The following PSPH variants were observed in gnomAD, a reference collection of about 807,000 sequenced individuals.
PSPH encodes L-3-phosphoserine phosphatase.
A neutral mutation model predicts 23.4 loss-of-function variants in PSPH; 16 were observed. That is an observed-to-expected ratio of 0.68 (90% CI 0.46 to 1.04). The LOEUF is 1.04. Among genes scored for constraint, PSPH ranks in the 50% least tolerant of loss-of-function variants. The pLI is 0.00. For synonymous variants in PSPH, 68 were observed against 99.7 expected, an observed-to-expected ratio of 0.68 and a Z score of 1.89; for missense variants, 223 against 273.7, an observed-to-expected ratio of 0.81 and a Z score of 1.31.
intron 4 of PSPH, among the ~76,000 whole-genome samples, chr7:56,020,578 T>C (rs148938542): frequency 0.018 from 2,606 of 146,222 alleles, 51 homozygotes; most frequent in African/African-American, 0.047. Context: ...TGAGCTGAGA[T>C]TGGGTCACTG....
At chr7:56,019,378 G>A (rs1291487265) in intron 5 of PSPH, among the ~76,000 whole-genome samples, 1 of 152,002 alleles carries the variant, frequency 6.6e-6, no homozygotes, top group Non-Finnish European at 1.5e-5. Context: ...GGCAGAAGCT[G>A]CAGTGAGCTG....
chr7:56,026,409 G>C (rs1354492434), intron 3 of PSPH, among the ~76,000 whole-genome samples: 1 of 149,988 alleles, frequency 6.7e-6, no homozygotes, highest in African/African-American at 2.5e-5. Context: ...CTGGGAGGTG[G>C]AGACATGGAG....
At chr7:56,012,862 T>G (rs1172250445) in intron 7 of PSPH, among the ~76,000 whole-genome samples, 1 of 149,676 alleles carries the variant, frequency 6.7e-6, no homozygotes, top group Non-Finnish European at 1.5e-5. Context: ...CCCAAAGTGC[T>G]GGGATTACAG....
At position 56,016,369 on chromosome 7, in the gene PSPH, A is replaced by C. The variant is rs1486210577; in HGVS notation, c.421+865T>G. On this transcript the variant is annotated intron_variant, in intron 6 of 7. Transcript: ENST00000275605. ...CAGTGAGCCGAGATGGAGCCACTGC[A>C]CTTCAGCCAGAGCAATAGAGTGAGA... is the stretch of plus-strand genomic sequence containing the variant. 8.5e-5 allele frequency among the ~76,000 whole-genome samples: 12 copies of C among 141,056 alleles called. No individual in the cohort carries two copies. The East Asian group carries it at 2.6e-3, about 31-fold the overall frequency. The allele number at this position is 141,056 out of a possible 152,430, so 92.5% of individuals were successfully genotyped here.
intron 6 of PSPH, 24 bp from the exon 7 acceptor site, chr7:56,015,195 G>A: frequency 1.2e-6 from 2 of 1,612,724 alleles, no homozygotes; most frequent in Non-Finnish European, 1.7e-6. Flanking sequence ...TAAAAATAGG[G>A]TTAAAGACCC....
chr7:56,048,519 T>C (rs1465203302), intron 1 of PSPH, among the ~76,000 whole-genome samples: 2 of 152,204 alleles, frequency 1.3e-5, no homozygotes, highest in African/African-American at 4.8e-5. Context: ...AAAATTTGAA[T>C]GAAATCTATA....
intron 1 of PSPH, among the ~76,000 whole-genome samples, chr7:56,049,755 T>TA (rs199849272): frequency 6.7e-6 from 1 of 148,728 alleles, no homozygotes; most frequent in Non-Finnish European, 1.5e-5. Context: ...TTATTATTAT[T>TA]TTTTTTGAGG....
rs147564506 is a variant in PSPH at position 56,046,846 on chromosome 7, C to T, written c.-292+4292G>A. On this transcript the variant is annotated intron_variant, in intron 1 of 7. Coordinates refer to ENST00000275605, the MANE Select transcript of PSPH (RefSeq NM_004577.4). ...CTAGGATTATAGACATCAGCCACTA[C>T]ACCCAGCTGAAATCTATTGTTTTCA... is the stretch of plus-strand genomic sequence containing the variant. Among the ~76,000 whole-genome samples the T allele has an allele frequency of 4.4e-3, 655 of 149,780 alleles. 4 individuals are homozygous for T. Among genetic ancestry groups the T allele is most frequent in the Non-Finnish European group, 7.5e-3 (509 of 67,554 alleles).
chr7:56,037,054 A>G (rs1394067080), intron 1 of PSPH, among the ~76,000 whole-genome samples: 2 of 151,992 alleles, frequency 1.3e-5, no homozygotes, highest in Non-Finnish European at 2.9e-5. Context: ...GGCGCCTGTA[A>G]TCTCAGCTAC....
intron 1 of PSPH, among the ~76,000 whole-genome samples, chr7:56,046,538 G>T (rs1219193046): frequency 6.6e-6 from 1 of 151,968 alleles, no homozygotes; most frequent in East Asian, 1.9e-4. Flanking sequence ...GTAATCCCAG[G>T]ACTTTGGGAG....
At chr7:56,028,990 T>G (rs1047045930) in intron 3 of PSPH, among the ~76,000 whole-genome samples, 4 of 151,890 alleles carry the variant, frequency 2.6e-5, no homozygotes, top group African/African-American at 9.7e-5. Context: ...TTCTTCTGTA[T>G]TTTTAGTAGA....
chr7:56,015,023 A>T lies in PSPH; in HGVS notation c.570T>A (p.Ala190=). The change falls in exon 7 of 8, where the codon GCT becomes GCA. Residue 190 remains alanine (A), a splice_region_variant and synonymous_variant. Coordinates refer to ENST00000275605, the MANE Select transcript of PSPH (RefSeq NM_004577.4). ...AAAAATTAGCACCCTTAATACATAC[A>T]GCAGGAGGACAGGCTTCCATATCTG... is the stretch of plus-strand genomic sequence containing the variant. The part of the protein sequence containing the change: ...GATDMEACPP[A]DAFIGFGGNV... The T allele has an allele frequency of 6.2e-7, 1 of 1,613,954 alleles. No homozygotes were observed. Among genetic ancestry groups the T allele is most frequent in the Non-Finnish European group, 8.5e-7 (1 of 1,179,918 alleles).
intron 7 of PSPH, among the ~76,000 whole-genome samples, chr7:56,013,093 A>G (rs1197709724): frequency 1.5e-5 from 2 of 129,608 alleles, no homozygotes; most frequent in Non-Finnish European, 3.5e-5. Context: ...ACACACATAT[A>G]TATACATATG....
chr7:56,038,391 G>A (rs1484700163), intron 1 of PSPH, among the ~76,000 whole-genome samples: 3 of 151,974 alleles, frequency 2.0e-5, no homozygotes, highest in African/African-American at 7.2e-5. Context: ...CCCAAGAGGC[G>A]GAGCTTGCAG....
intron 3 of PSPH, among the ~76,000 whole-genome samples, chr7:56,029,992 GA>G (rs57929950): frequency 0.24 from 29,522 of 122,690 alleles, 3,047 homozygotes; most frequent in East Asian, 0.42. Context: ...AAAAAAAAAA[GA>G]AAAAAAAAAA....
intron 1 of PSPH, 37 bp downstream of exon 1, chr7:56,051,101 A>AT (rs1355395999): frequency 6.6e-6 from 1 of 152,218 alleles, no homozygotes; most frequent in African/African-American, 2.4e-5. Flanking sequence ...GGGACACTGG[A>AT]TACTGGAAAC....
chr7:56,024,212 G>T (rs1441652461), intron 3 of PSPH, among the ~76,000 whole-genome samples: 2 of 151,480 alleles, frequency 1.3e-5, no homozygotes, highest in African/African-American at 2.4e-5. Context: ...ACCGCGCCCG[G>T]CCTACTTTAC....
At chr7:56,026,370 G>A (rs1474753511) in intron 3 of PSPH, among the ~76,000 whole-genome samples, 1 of 151,150 alleles carries the variant, frequency 6.6e-6, no homozygotes, top group African/African-American at 2.4e-5. Flanking sequence ...CAGCTACTTG[G>A]GACGGAGAGG....
intron 5 of PSPH, among the ~76,000 whole-genome samples, chr7:56,019,297 G>C (rs1788992730): frequency 6.6e-6 from 1 of 151,804 alleles, no homozygotes. Flanking sequence ...AAATTACCTA[G>C]GTGTGCTGGT....
Sources: allele counts gnomAD v4.1 joint callset (sites outside exome capture counted in the v4.1 genomes callset), GRCh38; gene constraint gnomAD v4.1.1; transcripts MANE v1.5; gene names NCBI Gene and HGNC (gene_info 2026-07-23, HGNC 2026-07-21).